The following MYCBP2 variants were observed in gnomAD, a reference collection of about 807,000 sequenced individuals.
MYCBP2 encodes the protein E3 ubiquitin-protein ligase MYCBP2.
In MYCBP2, 120 loss-of-function variants were observed where a neutral mutation model predicts 525.3. The ratio of observed to expected loss-of-function variants is 0.23; its 90% CI spans 0.20 to 0.27. The LOEUF (loss-of-function observed/expected upper bound fraction) is 0.27. MYCBP2 is among the 10% of genes least tolerant of loss of function. The pLI is 1.00. For missense variants in MYCBP2, 4,149 were observed against 5,657.1 expected (o/e 0.73, Z 8.55); for synonymous variants, 1,894 against 1,955.8 (o/e 0.97, Z 0.83).
rs374409620 is a variant in MYCBP2 at position 77,146,146 on chromosome 13, A to G, written c.7187+16T>C. On this transcript the variant is annotated intron_variant, in intron 48 of 82. Transcript: ENST00000544440. ...CAACACATGTTTTGGTTATACTTTG[A>G]GAAAACGATCCTTACCTCTTAGGAG... The G allele has an allele frequency of 1.6e-5, 25 of 1,563,912 alleles. No individual in the cohort carries two copies. Among genetic ancestry groups the G allele is most frequent in the Admixed American group, 3.8e-5 (2 of 52,832 alleles).
At chr13:77,316,336 G>C (rs1359927715) in intron 1 of MYCBP2, among the ~76,000 whole-genome samples, 1 of 152,128 alleles carries the variant, frequency 6.6e-6, no homozygotes, top group Non-Finnish European at 1.5e-5. Context: ...AAAATGCCCC[G>C]ATCAACCAGT....
At chr13:77,073,719 A>G (rs2154091320) in intron 68 of MYCBP2, among the ~76,000 whole-genome samples, 1 of 152,176 alleles carries the variant, frequency 6.6e-6, no homozygotes, top group East Asian at 1.9e-4. Flanking sequence ...ACAAAAGTCA[A>G]TTCTATTTTT....
Position 77,098,241 on chromosome 13 carries a change from A to G in MYCBP2, c.8913T>C (p.Ile2971=). The change falls in exon 56 of 83, where the codon ATT becomes ATC. Residue 2971 remains isoleucine (I), a synonymous_variant. Transcript: ENST00000544440. ...DEGSNKVHFS[I]GKAPLKDEQE... ...GTTCATCTTTCAGTGGTGCTTTTCC[A>G]ATGCTAAAATGAACTTTATTTGAAC... is the stretch of plus-strand genomic sequence containing the variant. 6.2e-7 allele frequency: 1 copy of G among 1,613,260 alleles called. No homozygotes were observed. The highest frequency in any genetic ancestry group is 8.5e-7 in the Non-Finnish European group (1 of 1,179,778).
rs570238513 is a variant in MYCBP2 at position 77,102,240 on chromosome 13, T to C, written c.8141-3227A>G. Among the ~76,000 whole-genome samples the C allele has an allele frequency of 1.1e-3, 160 of 151,972 alleles. 2 individuals are homozygous for C. The highest frequency in any genetic ancestry group is 7.8e-4 in the Non-Finnish European group (53 of 67,840). ...GCATATATCAGGTTACATGATACTATATGCTATTACACACAATACTATATA... is the reference window on the plus strand; with the variant it reads ...GCATATATCAGGTTACATGATACTACATGCTATTACACACAATACTATATA... On this transcript the variant is annotated intron_variant, in intron 55 of 82. Transcript: ENST00000544440.
chr13:77,270,151 G>T (rs1197733277), intron 6 of MYCBP2, 88 bp from the exon 7 acceptor site: 7 of 1,415,760 alleles, frequency 4.9e-6, no homozygotes, highest in Non-Finnish European at 6.8e-6. Context: ...GACATTTAAT[G>T]CATGTATTTC....
Position 77,166,334 on chromosome 13 carries a change from A to C in MYCBP2, c.6335T>G (p.Leu2112Trp). 2 of 1,589,928 alleles carry C rather than the reference A, an allele frequency of 1.3e-6. No homozygotes were observed. Among genetic ancestry groups the C allele is most frequent in the Non-Finnish European group, 1.7e-6 (2 of 1,171,058 alleles). The stretch of plus-strand genomic sequence containing the variant: ...AGAAGAAAAAAAAAACTTACCTGGC[A>C]ACACCAAAACCATAGTAGGCCACCC... ...SSGWPTMVLV[L>W]PGNEALFSLE... The change falls in exon 41 of 83, where the codon TTG becomes TGG. Residue 2112 changes from leucine (L) to tryptophan (W), a missense_variant. By Grantham distance (61) the Leu-to-Trp change is moderately conservative (BLOSUM62 -2). Transcript: ENST00000544440.
intron 3 of MYCBP2, among the ~76,000 whole-genome samples, chr13:77,284,975 G>A (rs2076586214): frequency 6.6e-6 from 1 of 152,150 alleles, no homozygotes; most frequent in Non-Finnish European, 1.5e-5. Context: ...AACCCTGTTT[G>A]CAGACAGGTC....
At position 77,290,162 on chromosome 13, in the gene MYCBP2, A is replaced by G. The variant is rs572929995; in HGVS notation, c.379-1786T>C. On this transcript the variant is annotated intron_variant, in intron 2 of 82. Coordinates refer to ENST00000544440, the MANE Select transcript of MYCBP2 (RefSeq NM_015057.5). ...ATCATTAGCTACTAGGAAAATGCAA[A>G]TTAAAATGAGATATAGTACACACCT... Among the ~76,000 whole-genome samples the G allele has an allele frequency of 9.1e-4, 138 of 152,332 alleles. 1 individual carries two copies. Among genetic ancestry groups the G allele is most frequent in the Non-Finnish European group, 3.8e-4 (26 of 68,020 alleles).
At chr13:77,112,850 C>CT (rs759614038) in intron 55 of MYCBP2, among the ~76,000 whole-genome samples, 5 of 152,184 alleles carry the variant, frequency 3.3e-5, no homozygotes, top group South Asian at 2.1e-4. Context: ...CCTTGATATA[C>CT]TTTTTTTTCC....
intron 1 of MYCBP2, among the ~76,000 whole-genome samples, chr13:77,299,753 G>A (rs2078572319): frequency 6.6e-6 from 1 of 152,138 alleles, no homozygotes; most frequent in Non-Finnish European, 1.5e-5. Flanking sequence ...AATGAAGAAT[G>A]TCTGGAATTG....
chr13:77,166,974 CAT>C (rs1473487778), intron 40 of MYCBP2, among the ~76,000 whole-genome samples: 235 of 49,868 alleles, frequency 4.7e-3, no homozygotes, highest in Middle Eastern at 0.01. Context: ...AAAACACACA[CAT>C]ACACACACAC....
At chr13:77,131,525 C>T (rs201916187) in intron 52 of MYCBP2, among the ~76,000 whole-genome samples, 18 of 142,488 alleles carry the variant, frequency 1.3e-4, no homozygotes, top group African/African-American at 2.5e-5. Context: ...CAAACACACA[C>T]ACACACACAC....
Position 77,051,868 on chromosome 13 carries a change from A to G in MYCBP2, c.13698T>C (p.Asp4566=). 1.2e-6 allele frequency: 2 copies of G among 1,614,152 alleles called. No individual in the cohort carries two copies. The highest frequency in any genetic ancestry group is 1.1e-5 in the South Asian group (1 of 91,082). ...AAATGAGCTCTCTGGGATCATAATC[A>G]TCTCCCCGTCCAGCCTCAGCATCGC... The part of the protein sequence containing the change: ...ARCDAEAGRG[D]DYDPRELICG... The change falls in exon 81 of 83, where the codon GAT becomes GAC. Residue 4566 remains aspartate, a synonymous_variant. Transcript: ENST00000544440.
rs185761939 is a variant in MYCBP2 at position 77,281,131 on chromosome 13, A to G, written c.595-2220T>C. 9.8e-5 allele frequency among the ~76,000 whole-genome samples: 15 copies of G among 152,340 alleles called. No individual in the cohort carries two copies. The South Asian group carries it at 1.9e-3, about 19-fold the overall frequency. ...AAAACAGTTTGAAGTCTTATAGTCA[A>G]TGAAAACACATATTTCTCCCTCCTT... On this transcript the variant is annotated intron_variant, in intron 3 of 82. Transcript: ENST00000544440.
At chr13:77,122,698 A>AG (rs2050961015) in intron 54 of MYCBP2, among the ~76,000 whole-genome samples, 1 of 151,852 alleles carries the variant, frequency 6.6e-6, no homozygotes, top group East Asian at 1.9e-4. Context: ...TCAAAAAAAA[A>AG]AAAAAAAAAA....
intron 8 of MYCBP2, 113 bp downstream of exon 8, chr13:77,267,728 C>T: frequency 8.7e-6 from 7 of 804,746 alleles, no homozygotes; most frequent in Non-Finnish European, 1.4e-5. Context: ...TTTTTAAAAC[C>T]CTTTTATAAG....
intron 4 of MYCBP2, among the ~76,000 whole-genome samples, chr13:77,277,810 T>A (rs2075790691): frequency 6.6e-6 from 1 of 152,226 alleles, no homozygotes; most frequent in Admixed American, 6.5e-5. Context: ...GCTCTAGTAC[T>A]TCTGAGAATT....
chr13:77,288,482 C>T, intron 2 of MYCBP2, 106 bp from the exon 3 acceptor site: 1 of 922,764 alleles, frequency 1.1e-6, no homozygotes, highest in African/African-American at 1.7e-5. Context: ...GCAGAAGACA[C>T]ATTATGTGAC....
chr13:77,291,444 A>AGTTTT, intron 2 of MYCBP2, among the ~76,000 whole-genome samples: 1 of 152,208 alleles, frequency 6.6e-6, no homozygotes, highest in Non-Finnish European at 1.5e-5. Context: ...TGGAACAACC[A>AGTTTT]CTTTGGAAAA....
Sources: allele counts gnomAD v4.1 joint callset (sites outside exome capture counted in the v4.1 genomes callset), GRCh38; gene constraint gnomAD v4.1.1; transcripts MANE v1.5; gene names NCBI Gene and HGNC (gene_info 2026-07-23, HGNC 2026-07-21).